CTNNA3: variants seen among roughly 807,000 people sequenced by gnomAD.
CTNNA3 encodes the protein catenin alpha 3, also known as catenin alpha-3.
A neutral mutation model predicts 95.7 loss-of-function variants in CTNNA3; 76 were observed. The observed-to-expected ratio is 0.79, with a 90% CI of 0.66 to 0.96. The LOEUF is 0.96. Among genes scored for constraint, CTNNA3 ranks in the 40% least tolerant of loss-of-function variants. The pLI is 0.00. For synonymous variants in CTNNA3, 431 were observed against 374.4 expected (o/e 1.15, Z -1.74); for missense variants, 1,191 against 1,089.8 (o/e 1.09, Z -1.31).
intron 11 of CTNNA3, among the ~76,000 whole-genome samples, chr10:66,439,075 C>A (rs1564963697): frequency 2.0e-5 from 3 of 152,080 alleles, no homozygotes; most frequent in Non-Finnish European, 4.4e-5. Flanking sequence ...GTTGGAAATG[C>A]AGAAATCACC....
intron 9 of CTNNA3, among the ~76,000 whole-genome samples, chr10:66,676,978 C>T (rs1487427490): frequency 6.6e-6 from 1 of 152,074 alleles, no homozygotes; most frequent in African/African-American, 2.4e-5. Flanking sequence ...ACCCAAGCCA[C>T]ATTCTGGTGG....
At chr10:66,231,735 C>A (rs2089599948) in intron 13 of CTNNA3, among the ~76,000 whole-genome samples, 1 of 152,068 alleles carries the variant, frequency 6.6e-6, no homozygotes, top group South Asian at 2.1e-4. Flanking sequence ...AAGCTAAATG[C>A]AAAACTAAAT....
Position 67,581,388 on chromosome 10 carries a change from C to T in CTNNA3, c.292+25469G>A, listed in dbSNP as rs140067103. 3.5e-3 allele frequency among the ~76,000 whole-genome samples: 532 copies of T among 152,202 alleles called. 5 individuals carry two copies. The highest frequency in any genetic ancestry group is 0.012 in the African/African-American group (498 of 41,512). On this transcript the variant is annotated intron_variant, in intron 3 of 17. Coordinates refer to ENST00000433211, the MANE Select transcript of CTNNA3 (RefSeq NM_013266.4). The stretch of plus-strand genomic sequence containing the variant: ...ATTGATTTGTGTATGTTGAACCAGC[C>T]TTGAATCCCAGGGATGAAGCCAACT...
At chr10:67,612,977 T>C (rs1843513561) in intron 2 of CTNNA3, among the ~76,000 whole-genome samples, 1 of 152,202 alleles carries the variant, frequency 6.6e-6, no homozygotes, top group Admixed American at 6.5e-5. Context: ...AGCCGTCTCT[T>C]GAAAATGTAA....
At chr10:66,000,543 C>T (rs2078750513) in intron 15 of CTNNA3, among the ~76,000 whole-genome samples, 1 of 152,090 alleles carries the variant, frequency 6.6e-6, no homozygotes, top group African/African-American at 2.4e-5. Flanking sequence ...TTCCCTAAAT[C>T]GTTGAAAACA....
intron 3 of CTNNA3, 120 bp from the exon 4 acceptor site, chr10:67,539,789 C>G: frequency 1.2e-6 from 1 of 832,744 alleles, no homozygotes; most frequent in Non-Finnish European, 1.8e-6. Flanking sequence ...AAAATATTGT[C>G]AGTTGACAAT....
chr10:66,510,266 C>T (rs1374582613), intron 11 of CTNNA3, among the ~76,000 whole-genome samples: 1 of 151,650 alleles, frequency 6.6e-6, no homozygotes, highest in Admixed American at 6.6e-5. Context: ...TTAATGAATT[C>T]ATTTGCCAGT....
chr10:66,965,828 A>C (rs1379466827), intron 7 of CTNNA3, among the ~76,000 whole-genome samples: 1 of 151,950 alleles, frequency 6.6e-6, no homozygotes, highest in Non-Finnish European at 1.5e-5. Flanking sequence ...TTTTTTTTCT[A>C]TGTTAAGTGA....
At position 67,129,590 on chromosome 10, in the gene CTNNA3, T is replaced by A. The variant is rs145218912; in HGVS notation, c.1047+50727A>T. On this transcript the variant is annotated intron_variant, in intron 7 of 17. Coordinates refer to ENST00000433211, the MANE Select transcript of CTNNA3 (RefSeq NM_013266.4). ...AATGACACATGAATCATTACTATTA[T>A]AGAGATGAGAAAAATGTTGAATACT... Among the ~76,000 whole-genome samples, 182 of 152,222 alleles carry A rather than the reference T, an allele frequency of 1.2e-3. 1 individual carries two copies. Among genetic ancestry groups the A allele is most frequent in the African/African-American group, 4.2e-3 (174 of 41,552 alleles).
intron 13 of CTNNA3, among the ~76,000 whole-genome samples, chr10:66,251,035 G>C (rs1360934532): frequency 1.3e-5 from 2 of 152,122 alleles, no homozygotes; most frequent in Non-Finnish European, 2.9e-5. Flanking sequence ...CTGAATGAGA[G>C]GTGATTCCTG....
At chr10:67,247,953 T>C (rs1293984612) in intron 5 of CTNNA3, among the ~76,000 whole-genome samples, 1 of 151,982 alleles carries the variant, frequency 6.6e-6, no homozygotes, top group Non-Finnish European at 1.5e-5. Flanking sequence ...GACATCAGAG[T>C]CCAAAATTAA....
intron 3 of CTNNA3, among the ~76,000 whole-genome samples, chr10:67,587,475 T>G (rs1396860758): frequency 6.6e-6 from 1 of 152,128 alleles, no homozygotes; most frequent in Non-Finnish European, 1.5e-5. Context: ...AGGGTTAATC[T>G]TGCTGGATAT....
intron 5 of CTNNA3, among the ~76,000 whole-genome samples, chr10:67,278,110 C>A (rs185794023): frequency 2.0e-5 from 3 of 152,154 alleles, no homozygotes; most frequent in Non-Finnish European, 2.9e-5. Flanking sequence ...GGATTGGGAC[C>A]CCTTTCCAGG....
chr10:66,591,312 G>A (rs1011959299), intron 10 of CTNNA3, among the ~76,000 whole-genome samples: 4 of 152,044 alleles, frequency 2.6e-5, no homozygotes, highest in Admixed American at 6.6e-5. Flanking sequence ...TTCAGTGGAA[G>A]GAAGATTGTT....
At chr10:66,675,819 C>G (rs1223387665) in intron 9 of CTNNA3, among the ~76,000 whole-genome samples, 1 of 152,162 alleles carries the variant, frequency 6.6e-6, no homozygotes, top group East Asian at 1.9e-4. Flanking sequence ...CAGCCTAATA[C>G]ATGAAAATAA....
At chr10:67,474,360 A>C (rs553917195) in intron 5 of CTNNA3, among the ~76,000 whole-genome samples, 1 of 152,318 alleles carries the variant, frequency 6.6e-6, no homozygotes, top group South Asian at 2.1e-4. Context: ...AGAAGAGAAA[A>C]TTTGAACACA....
chr10:67,066,188 T>A (rs1401208880), intron 7 of CTNNA3, among the ~76,000 whole-genome samples: 1 of 135,398 alleles, frequency 7.4e-6, no homozygotes, highest in African/African-American at 2.9e-5. Context: ...CCCACTGAAG[T>A]CACTGGCTTT....
At chr10:67,077,905 G>C (rs1856817568) in intron 7 of CTNNA3, among the ~76,000 whole-genome samples, 1 of 152,144 alleles carries the variant, frequency 6.6e-6, no homozygotes, top group Non-Finnish European at 1.5e-5. Flanking sequence ...TAGATTAACA[G>C]AGGAGGAAGG....
intron 5 of CTNNA3, among the ~76,000 whole-genome samples, chr10:67,457,318 G>T (rs1847211376): frequency 1.3e-5 from 2 of 152,138 alleles, no homozygotes; most frequent in South Asian, 4.1e-4. Context: ...AGACAGGCAA[G>T]AAAGTCTTGA....
Sources: allele counts gnomAD v4.1 joint callset (sites outside exome capture counted in the v4.1 genomes callset), GRCh38; gene constraint gnomAD v4.1.1; transcripts MANE v1.5; gene names NCBI Gene and HGNC (gene_info 2026-07-23, HGNC 2026-07-21).